The following EPN2 variants were observed in gnomAD, a reference collection of about 807,000 sequenced individuals.
EPN2 encodes epsin-2.
EPN2 carries 34 observed loss-of-function variants against 61.7 expected under a neutral mutation model. The observed-to-expected ratio is 0.55, with a 90% CI of 0.42 to 0.73. EPN2 has a LOEUF of 0.73. EPN2 is among the 30% of genes least tolerant of loss of function. EPN2 has a pLI of 0.00. For synonymous variants in EPN2, 349 were observed against 353.6 expected, an observed-to-expected ratio of 0.99 and a Z score of 0.15; for missense variants, 714 against 839.2, an observed-to-expected ratio of 0.85 and a Z score of 1.84.
At chr17:19,276,600 TA>T (rs2045307869) in intron 1 of EPN2, 1 of 152,010 alleles carries the variant, frequency 6.6e-6, no homozygotes, top group Non-Finnish European at 1.5e-5. Flanking sequence ...TGTCTTCATT[TA>T]AAAATATTTC....
At chr17:19,329,502 T>C in intron 8 of EPN2, 59 bp from the exon 9 acceptor site, 1 of 1,041,112 alleles carries the variant, frequency 9.6e-7, no homozygotes, top group East Asian at 2.4e-5. Context: ...CACTGGGCAG[T>C]GGAGTTGCCA....
intron 10 of EPN2, among the ~76,000 whole-genome samples, chr17:19,333,521 C>T (rs971109454): frequency 2.6e-5 from 4 of 152,192 alleles, no homozygotes; most frequent in Non-Finnish European, 4.4e-5. Context: ...TTCTAGCCTT[C>T]GCGGTGTCAT....
intron 7 of EPN2, among the ~76,000 whole-genome samples, chr17:19,323,216 A>AG (rs931180140): frequency 1.4e-4 from 21 of 152,292 alleles, no homozygotes; most frequent in African/African-American, 4.8e-4. Flanking sequence ...CTAAAAGTCA[A>AG]GGGGGGGATT....
At chr17:19,242,158 C>G (rs1372779716) in intron 1 of EPN2, among the ~76,000 whole-genome samples, 1 of 149,810 alleles carries the variant, frequency 6.7e-6, no homozygotes, top group African/African-American at 2.5e-5. Context: ...AAGCCTAGGC[C>G]AGCCACGGTG....
intron 6 of EPN2, chr17:19,312,810 G>C (rs538486036): frequency 2.9e-6 from 1 of 350,810 alleles, no homozygotes; most frequent in East Asian, 6.2e-5. Flanking sequence ...TGGCGTTCTG[G>C]AGGAGGTCCA....
In EPN2 at chr17:19,285,603, G is replaced by A. The variant is rs1392499547; in HGVS notation, c.596-17G>A. On this transcript the variant is annotated splice_polypyrimidine_tract_variant and intron_variant, in intron 3 of 10. Transcript: ENST00000314728. This position sits in a 1 kb window ranked among gnomAD's most constrained non-coding sequence, Gnocchi z 4.5. ...GGCGTGTCTCTCTGTGTGTGTGTGT[G>A]TGTCCCTGCCCCACAGCGCCTGAGG... 6.6e-7 allele frequency: 1 copy of A among 1,512,964 alleles called. No homozygotes were observed. The highest frequency in any genetic ancestry group is 2.1e-5 in the Admixed American group (1 of 47,236). 93.7% of individuals were successfully genotyped at this position (1,512,964 alleles called of 1,614,324 possible).
At chr17:19,305,623 G>T (rs1905799659) in intron 4 of EPN2, among the ~76,000 whole-genome samples, 2 of 152,126 alleles carry the variant, frequency 1.3e-5, no homozygotes, top group Non-Finnish European at 2.9e-5. Context: ...ACAGTTACCT[G>T]AAAGTGGCCC....
At chr17:19,273,133 G>A (rs2045271940) in intron 1 of EPN2, 1 of 152,206 alleles carries the variant, frequency 6.6e-6, no homozygotes, top group Non-Finnish European at 1.5e-5. Flanking sequence ...GTCTGTTCCA[G>A]TGGCTCTCAG....
In EPN2 at chr17:19,334,207, C is replaced by T. The variant is rs1387179319; in HGVS notation, c.1879C>T (p.Pro627Ser). 2.6e-6 allele frequency: 4 copies of T among 1,529,806 alleles called. No homozygotes were observed. The highest frequency in any genetic ancestry group is 3.5e-6 in the Non-Finnish European group (4 of 1,129,186). 94.8% of individuals were successfully genotyped at this position (1,529,806 alleles called of 1,614,324 possible). A position where few individuals can be genotyped will look rare whatever the true frequency, so the allele number is the denominator to read the frequency against. ...MNMVGSVGIP[P>S]SAAQATGTTN... ...CATGGTGGGCAGTGTGGGTATACCC[C>T]CATCAGCAGCCCAGGCCACTGGCAC... Residue 627 changes from proline to serine, a missense_variant, in exon 11 of 11, where the codon CCA becomes TCA. By Grantham distance (74) the Pro-to-Ser change is moderately conservative. Around this residue, in one of 2 missense-constraint regions of EPN2, gnomAD observed 410 missense variants for 421.8 expected, o/e 0.97. Coordinates refer to ENST00000314728, the MANE Select transcript of EPN2 (RefSeq NM_014964.5). This position sits in a 1 kb window ranked among gnomAD's most constrained non-coding sequence, Gnocchi z 4.9.
intron 4 of EPN2, chr17:19,308,646 C>T (rs1905971552): frequency 8.1e-6 from 8 of 985,186 alleles, no homozygotes; most frequent in South Asian, 9.4e-5. Context: ...CACGGAGACC[C>T]GGGAGGAGGA....
chr17:19,256,161 TCTC>T (rs1470541912), intron 1 of EPN2, among the ~76,000 whole-genome samples: 1 of 151,970 alleles, frequency 6.6e-6, no homozygotes, highest in Non-Finnish European at 1.5e-5. Flanking sequence ...ATGGTCGCGA[TCTC>T]CTGACCTCGT....
chr17:19,295,364 A>ACACACGCGCGCG (rs1555600579), intron 4 of EPN2, among the ~76,000 whole-genome samples: 5 of 81,760 alleles, frequency 6.1e-5, no homozygotes, highest in African/African-American at 1.6e-4. Flanking sequence ...ACACACACAC[A>ACACACGCGCGCG]CACGCGCGTG....
intron 7 of EPN2, among the ~76,000 whole-genome samples, chr17:19,321,338 C>T (rs1454865995): frequency 1.3e-5 from 2 of 152,204 alleles, no homozygotes; most frequent in Non-Finnish European, 2.9e-5. Flanking sequence ...GTGCCCACCT[C>T]ATAGTCCCAG....
rs1444020930 is a variant in EPN2 at position 19,283,871 on chromosome 17, C to T, written c.595+157C>T. Among the ~76,000 whole-genome samples, 3 of 152,224 alleles carry T rather than the reference C, an allele frequency of 2.0e-5. No individual in the cohort carries two copies. Among genetic ancestry groups the T allele is most frequent in the Non-Finnish European group, 4.4e-5 (3 of 68,038 alleles). ...GTGGCCCAGGCAAATTGTCCTTGGT[C>T]TGGATTGAGTTTTGGTTATAAAGGG... On this transcript the variant is annotated intron_variant, in intron 3 of 10. Coordinates refer to ENST00000314728, the MANE Select transcript of EPN2 (RefSeq NM_014964.5). This position sits in a 1 kb window ranked among gnomAD's most constrained non-coding sequence, Gnocchi z 7.0.
intron 4 of EPN2, among the ~76,000 whole-genome samples, chr17:19,295,392 TGTA>T (rs1314994062): frequency 1.6e-4 from 24 of 146,708 alleles, no homozygotes; most frequent in African/African-American, 5.1e-5. Context: ...AATAGCCAGG[TGTA>T]GTGGTGCATG....
rs3803839 is a variant in EPN2 at position 19,335,797 on chromosome 17, C to T, written c.*1543C>T. ...TAATATTACCTCCCTCTTCCAAACTCCTACTGTCCTCACCTCACCCACCAC... is the reference window on the plus strand; with the variant it reads ...TAATATTACCTCCCTCTTCCAAACTTCTACTGTCCTCACCTCACCCACCAC... On this transcript the variant is annotated 3_prime_UTR_variant, in exon 11 of 11. Transcript: ENST00000314728. 1,700 of 221,076 alleles carry T rather than the reference C, an allele frequency of 7.7e-3. 86 individuals are homozygous for T. The East Asian group carries it at 0.11, about 15-fold the overall frequency. 13.7% of individuals were successfully genotyped at this position (221,076 alleles called of 1,614,324 possible).
chr17:19,335,165 ATGTT>A lies in EPN2; in HGVS notation c.*913_*916del, dbSNP rs1390545029. Reference sequence around the variant, plus strand: ...GGAATTTGATTACACATAGATGATGATGTTTATTTAAAAAAAAAACAACAGCAAC... The same window carrying A: ...GGAATTTGATTACACATAGATGATGATATTTAAAAAAAAAACAACAGCAAC... On this transcript the variant is annotated 3_prime_UTR_variant, in exon 11 of 11. Coordinates refer to ENST00000314728, the MANE Select transcript of EPN2 (RefSeq NM_014964.5). The A allele has an allele frequency of 4.2e-4, 158 of 372,452 alleles. 1 individual carries two copies. The highest frequency in any genetic ancestry group is 1.7e-4 in the Non-Finnish European group (36 of 207,206). 23.1% of individuals were successfully genotyped at this position (372,452 alleles called of 1,614,324 possible). A position where few individuals can be genotyped will look rare whatever the true frequency, so the allele number is the denominator to read the frequency against.
At chr17:19,312,009 A>G in intron 5 of EPN2, 43 bp from the exon 6 acceptor site, 1 of 1,293,326 alleles carries the variant, frequency 7.7e-7, no homozygotes, top group Non-Finnish European at 1.1e-6. Context: ...TGTTCTGTAC[A>G]GTGATGTTAT....
chr17:19,264,606 C>T (rs1325275532), intron 1 of EPN2, among the ~76,000 whole-genome samples: 1 of 152,078 alleles, frequency 6.6e-6, no homozygotes, highest in Non-Finnish European at 1.5e-5. Context: ...TTCATTCTGC[C>T]AGGTAGTTAT....
Sources: gnomAD v4.1 joint callset for allele counts (sites outside exome capture counted in the v4.1 genomes callset) on GRCh38, gnomAD v4.1.1 for gene constraint, gnomAD v4.1.1 regional missense constraint, Gnocchi (gnomAD v3.1) non-coding constraint, MANE v1.5 for transcripts, NCBI Gene and HGNC (gene_info 2026-07-23, HGNC 2026-07-21) for gene names.